Variants in CDK1 observed in about 807,000 individuals in gnomAD.
CDK1 encodes cyclin-dependent kinase 1.
A neutral mutation model predicts 34.6 loss-of-function variants in CDK1; 5 were observed. The observed-to-expected ratio is 0.14, with a 90% CI of 0.08 to 0.30. CDK1 has a LOEUF of 0.30. Among genes scored for constraint, CDK1 ranks in the 10% least tolerant of loss-of-function variants. The pLI is 1.00. For missense variants in CDK1, 157 were observed against 345.7 expected (o/e 0.45, Z 4.33); for synonymous variants, 108 against 114.7 (o/e 0.94, Z 0.37).
At chr10:60,783,985 C>G (rs1214160253) in intron 2 of CDK1, among the ~76,000 whole-genome samples, 1 of 152,140 alleles carries the variant, frequency 6.6e-6, no homozygotes, top group Non-Finnish European at 1.5e-5. Context: ...ATAAAGCACT[C>G]TACAGTATTT....
At chr10:60,780,893 G>C (rs1280890388) in intron 2 of CDK1, among the ~76,000 whole-genome samples, 1 of 151,970 alleles carries the variant, frequency 6.6e-6, no homozygotes, top group African/African-American at 2.4e-5. Flanking sequence ...TATAGGTTCT[G>C]CCAGAAGAAA....
intron 5 of CDK1, 57 bp from the exon 6 acceptor site, chr10:60,791,833 A>G (rs1373079060): frequency 1.1e-6 from 1 of 900,144 alleles, no homozygotes; most frequent in African/African-American, 1.7e-5. Flanking sequence ...TAAATGTTTA[A>G]GTGTAGGTAA....
Position 60,790,434 on chromosome 10 carries a change from C to T in CDK1, c.490-1456C>T, listed in dbSNP as rs114291724. On this transcript the variant is annotated intron_variant, in intron 5 of 7. Coordinates refer to ENST00000395284, the MANE Select transcript of CDK1 (RefSeq NM_001786.5). ...GGCTGATTTTTAAATTTTTTAGAGA[C>T]GGGGCTGTCAGCATATTTCCCAGAC... Among the ~76,000 whole-genome samples the T allele has an allele frequency of 8.8e-3, 1,333 of 152,162 alleles. 22 individuals are homozygous for T. The highest frequency in any genetic ancestry group is 0.03 in the African/African-American group (1,253 of 41,510).
intron 5 of CDK1, 124 bp from the exon 6 acceptor site, chr10:60,791,766 A>C: frequency 1.9e-6 from 1 of 534,682 alleles, no homozygotes. Flanking sequence ...TAATTGACTT[A>C]AACAATATTA....
chr10:60,792,326 G>C, intron 7 of CDK1, 37 bp downstream of exon 7: 1 of 1,549,072 alleles, frequency 6.5e-7, no homozygotes, highest in East Asian at 2.2e-5. Context: ...TCAAATTATT[G>C]ATGATTCTGA....
chr10:60,780,009 G>T (rs1402620706), intron 1 of CDK1, 132 bp from the exon 2 acceptor site: 2 of 640,032 alleles, frequency 3.1e-6, no homozygotes, highest in African/African-American at 1.9e-5. Flanking sequence ...TTGTTTGAAT[G>T]TAATTAATAT....
At chr10:60,790,405 G>A (rs947131357) in intron 5 of CDK1, among the ~76,000 whole-genome samples, 5 of 152,042 alleles carry the variant, frequency 3.3e-5, no homozygotes, top group African/African-American at 1.2e-4. Flanking sequence ...GCACCACCAT[G>A]CTAGGCTGAT....
rs1370963471 is a variant in CDK1 at position 60,784,783 on chromosome 10, G to A, written c.116G>A (p.Ser39Asn). The A allele has an allele frequency of 1.2e-6, 2 of 1,613,030 alleles. No homozygotes were observed. The highest frequency in any genetic ancestry group is 1.7e-6 in the Non-Finnish European group (2 of 1,179,026). Residue 39 changes from serine to asparagine, a missense_variant, in exon 3 of 8, where the codon AGT becomes AAT. Ser to Asn is a conservative substitution (Grantham distance 46). Around this residue, in one of 3 missense-constraint regions of CDK1, gnomAD observed 53 missense variants for 89.2 expected, o/e 0.59. Transcript: ENST00000395284. ...VVAMKKIRLE[S>N]EEEGVPSTAI... ...GCCATGAAAAAAATCAGACTAGAAA[G>A]TGAAGAGGAAGGGGTTCCTAGTACT...
In CDK1 at chr10:60,794,171, G is replaced by T. The variant is rs1233080919; in HGVS notation, c.*196G>T. ...AAATATAATTCTGTAAATGTGTGTA[G>T]GTCTCACTGTAACAACTATTTGTTA... is the stretch of plus-strand genomic sequence containing the variant. On this transcript the variant is annotated 3_prime_UTR_variant, in exon 8 of 8. Coordinates refer to ENST00000395284, the MANE Select transcript of CDK1 (RefSeq NM_001786.5). The T allele has an allele frequency of 5.4e-6, 2 of 373,742 alleles. No individual in the cohort carries two copies. The highest frequency in any genetic ancestry group is 9.4e-6 in the Non-Finnish European group (2 of 212,214). The allele number at this position is 373,742 out of a possible 1,614,324, so 23.2% of individuals were successfully genotyped here. A position where few individuals can be genotyped will look rare whatever the true frequency, so the allele number is the denominator to read the frequency against.
chr10:60,790,711 G>A (rs2080353916), intron 5 of CDK1, among the ~76,000 whole-genome samples: 1 of 152,152 alleles, frequency 6.6e-6, no homozygotes, highest in African/African-American at 2.4e-5. Context: ...TGTATGGTTA[G>A]ATATAGGGGT....
intron 7 of CDK1, 33 bp from the exon 8 acceptor site, chr10:60,793,844 T>C (rs762535893): frequency 1.6e-6 from 2 of 1,220,506 alleles, no homozygotes; most frequent in South Asian, 1.3e-5. Context: ...GTTTATTTCC[T>C]AAATAAATAT....
In CDK1 at chr10:60,791,976, C is replaced by T. The variant is rs371079846; in HGVS notation, c.576C>T (p.Thr192=). 6.8e-6 allele frequency: 11 copies of T among 1,611,294 alleles called. No individual in the cohort carries two copies. The African/African-American group carries it at 1.5e-4, about 22-fold the overall frequency. The change falls in exon 6 of 8, where the codon ACC becomes ACT. Residue 192 remains threonine, a synonymous_variant. Transcript: ENST00000395284. ...STPVDIWSIG[T]IFAELATKKP... ...CAGTTGACATTTGGAGTATAGGCACCATATTTGCTGAACTAGCAACTAAGA... is the reference window on the plus strand; with the variant it reads ...CAGTTGACATTTGGAGTATAGGCACTATATTTGCTGAACTAGCAACTAAGA...
At chr10:60,790,952 C>A (rs994998557) in intron 5 of CDK1, among the ~76,000 whole-genome samples, 1 of 152,100 alleles carries the variant, frequency 6.6e-6, no homozygotes, top group African/African-American at 2.4e-5. Context: ...TTTTTGAAGT[C>A]AGGTGATACG....
At chr10:60,780,828 C>G (rs186396456) in intron 2 of CDK1, among the ~76,000 whole-genome samples, 1 of 152,150 alleles carries the variant, frequency 6.6e-6, no homozygotes, top group Non-Finnish European at 1.5e-5. Flanking sequence ...TCGACTCCAG[C>G]AGAACATTCT....
At chr10:60,785,551 C>T (rs1331828094) in intron 3 of CDK1, 113 bp from the exon 4 acceptor site, 8 of 652,404 alleles carry the variant, frequency 1.2e-5, no homozygotes, top group East Asian at 2.6e-5. Context: ...GAAGCTACTA[C>T]GTCTTCCCCA....
rs569479279 is a variant in CDK1 at position 60,781,399 on chromosome 10, C to G, written c.37+1197C>G. ...GTCATAAGACTTCCATTCTTTATTT[C>G]TAGCAGTGTGACAGTGGTAAACCCT... On this transcript the variant is annotated intron_variant, in intron 2 of 7. Coordinates refer to ENST00000395284, the MANE Select transcript of CDK1 (RefSeq NM_001786.5). Among the ~76,000 whole-genome samples, 26 of 152,264 alleles carry G rather than the reference C, an allele frequency of 1.7e-4. 1 individual carries two copies. In the South Asian group the frequency reaches 5.4e-3, roughly 32 times the overall value.
At chr10:60,784,596 C>A in intron 2 of CDK1, 109 bp from the exon 3 acceptor site, 1 of 928,736 alleles carries the variant, frequency 1.1e-6, no homozygotes, top group Non-Finnish European at 1.6e-6. Context: ...ACCCACTGCA[C>A]TCCAACCTGG....
intron 5 of CDK1, among the ~76,000 whole-genome samples, chr10:60,789,761 C>A (rs797008935): frequency 9.2e-5 from 14 of 152,214 alleles, no homozygotes; most frequent in African/African-American, 3.1e-4. Flanking sequence ...TGGACATATA[C>A]CCCCAGCAGT....
At chr10:60,784,358 G>A (rs1054082657) in intron 2 of CDK1, among the ~76,000 whole-genome samples, 3 of 152,132 alleles carry the variant, frequency 2.0e-5, no homozygotes, top group Admixed American at 6.5e-5. Flanking sequence ...GACCAGGTGC[G>A]GTGGCTCACG....
Sources: allele counts gnomAD v4.1 joint callset (sites outside exome capture counted in the v4.1 genomes callset), GRCh38; gene constraint gnomAD v4.1.1; regional missense constraint gnomAD v4.1.1; transcripts MANE v1.5; gene names NCBI Gene and HGNC (gene_info 2026-07-23, HGNC 2026-07-21).